The following MED12L variants were observed in gnomAD, a reference collection of about 807,000 sequenced individuals.
MED12L encodes mediator complex subunit 12L.
MED12L carries 60 observed loss-of-function variants against 281.3 expected under a neutral mutation model. The ratio of observed to expected loss-of-function variants is 0.21; its 90% CI spans 0.17 to 0.26. The LOEUF is 0.26. Among genes scored for constraint, MED12L ranks in the 10% least tolerant of loss-of-function variants. MED12L has a pLI of 1.00. For synonymous variants in MED12L, 974 were observed against 987.2 expected, an observed-to-expected ratio of 0.99 and a Z score of 0.25; for missense variants, 2,146 against 2,680.9, an observed-to-expected ratio of 0.80 and a Z score of 4.41.
chr3:151,188,508 G>T, intron 13 of MED12L, 28 bp downstream of exon 13: 1 of 1,556,398 alleles, frequency 6.4e-7, no homozygotes, highest in Non-Finnish European at 8.7e-7. Context: ...TTTGCCTCTA[G>T]ATCTTAAATA....
intron 43 of MED12L, among the ~76,000 whole-genome samples, chr3:151,417,104 A>G (rs867720780): frequency 3.1e-4 from 47 of 152,258 alleles, no homozygotes; most frequent in African/African-American, 1.0e-3. Context: ...ATCACTTGCC[A>G]CATATTGGAA....
intron 16 of MED12L, among the ~76,000 whole-genome samples, chr3:151,262,620 A>C (rs182069490): frequency 6.6e-6 from 1 of 152,240 alleles, no homozygotes; most frequent in Non-Finnish European, 1.5e-5. Flanking sequence ...TGCATGGGCA[A>C]TGTAAATACA....
chr3:151,320,220 T>A (rs1026286316), intron 16 of MED12L, among the ~76,000 whole-genome samples: 1 of 152,202 alleles, frequency 6.6e-6, no homozygotes, highest in Non-Finnish European at 1.5e-5. Context: ...TAATCTCAGA[T>A]GTATCTGTTT....
At chr3:151,413,414 G>A in intron 42 of MED12L, 119 bp downstream of exon 42, 1 of 1,230,222 alleles carries the variant, frequency 8.1e-7, no homozygotes, top group Non-Finnish European at 1.1e-6. Context: ...GATCCCTGTG[G>A]ATTTGATGCT....
Position 151,198,833 on chromosome 3 carries a change from A to G in MED12L, c.2250+5167A>G, listed in dbSNP as rs1430512866. 3.7e-6 allele frequency: 6 copies of G among 1,613,030 alleles called. No individual in the cohort carries two copies. In the South Asian group the frequency reaches 5.5e-5, roughly 15 times the overall value. On this transcript the variant is annotated intron_variant, in intron 16 of 44. Coordinates refer to ENST00000687756, the MANE Select transcript of MED12L (RefSeq NM_001393769.1). ...GGCTGAGAAATTTAAAAATATTGCT[A>G]CACATATGAAATTTGTCAGCAAATG... is the stretch of plus-strand genomic sequence containing the variant.
chr3:151,388,231 G>A (rs969826231), intron 37 of MED12L, 59 bp downstream of exon 37: 73 of 1,522,294 alleles, frequency 4.8e-5, no homozygotes, highest in Middle Eastern at 3.5e-4. Flanking sequence ...AGATTTACTC[G>A]TGCCCAAATC....
intron 16 of MED12L, among the ~76,000 whole-genome samples, chr3:151,302,629 AACTGCAG>A (rs1577278338): frequency 6.6e-6 from 1 of 152,172 alleles, no homozygotes; most frequent in East Asian, 1.9e-4. Flanking sequence ...GGTTTAACCA[AACTGCAG>A]ACTGTCAGCC....
At chr3:151,099,057 G>A (rs1210331841) in intron 2 of MED12L, among the ~76,000 whole-genome samples, 1 of 152,102 alleles carries the variant, frequency 6.6e-6, no homozygotes, top group East Asian at 1.9e-4. Context: ...AGATATGGGG[G>A]AAACTGTACC....
At chr3:151,192,914 C>A (rs1399880892) in intron 15 of MED12L, among the ~76,000 whole-genome samples, 1 of 152,290 alleles carries the variant, frequency 6.6e-6, no homozygotes. Flanking sequence ...ATCATCATCT[C>A]ATTAATGCGT....
intron 12 of MED12L, among the ~76,000 whole-genome samples, chr3:151,187,500 A>G (rs6772538): frequency 0.086 from 13,143 of 152,222 alleles, 1,302 homozygotes; most frequent in African/African-American, 0.23. Flanking sequence ...GACCTTCACA[A>G]AGAGAAAATA....
intron 16 of MED12L, among the ~76,000 whole-genome samples, chr3:151,226,968 A>G (rs1730621581): frequency 6.6e-6 from 1 of 152,212 alleles, no homozygotes; most frequent in Non-Finnish European, 1.5e-5. Context: ...TGGATGCCAC[A>G]CGCAGATCCC....
chr3:151,317,873 A>C (rs981102139), intron 16 of MED12L, among the ~76,000 whole-genome samples: 1 of 151,938 alleles, frequency 6.6e-6, no homozygotes. Flanking sequence ...TGGAATCAAA[A>C]CCTGTTATTG....
chr3:151,289,881 ATT>A (rs35528070), intron 16 of MED12L, among the ~76,000 whole-genome samples: 109 of 145,158 alleles, frequency 7.5e-4, no homozygotes, highest in Admixed American at 1.3e-3. Context: ...CTCGAACACA[ATT>A]TTTTTTTTTT....
At chr3:151,173,265 G>A (rs1721655180) in intron 11 of MED12L, among the ~76,000 whole-genome samples, 1 of 152,026 alleles carries the variant, frequency 6.6e-6, no homozygotes, top group African/African-American at 2.4e-5. Flanking sequence ...AGAAATTGTT[G>A]AGGCTGATAC....
intron 16 of MED12L, among the ~76,000 whole-genome samples, chr3:151,242,517 C>T (rs1734401539): frequency 6.6e-6 from 1 of 152,186 alleles, no homozygotes; most frequent in Non-Finnish European, 1.5e-5. Flanking sequence ...ACTGACACCT[C>T]ACACAGCAGG....
At chr3:151,237,045 CTTT>C (rs56926535) in intron 16 of MED12L, among the ~76,000 whole-genome samples, 4 of 125,854 alleles carry the variant, frequency 3.2e-5, no homozygotes, top group East Asian at 2.3e-4. Flanking sequence ...TGATGCCAAA[CTTT>C]TTTTTTTTTT....
intron 16 of MED12L, among the ~76,000 whole-genome samples, chr3:151,313,871 C>T (rs1406439445): frequency 6.7e-6 from 1 of 148,782 alleles, no homozygotes; most frequent in Non-Finnish European, 1.5e-5. Flanking sequence ...TTGCAGTGAG[C>T]AAAGATCACG....
chr3:151,128,643 T>G (rs189114387), intron 5 of MED12L, among the ~76,000 whole-genome samples: 1 of 152,342 alleles, frequency 6.6e-6, no homozygotes. Context: ...GTCTCTTCAT[T>G]GCAGCTTTGG....
intron 16 of MED12L, among the ~76,000 whole-genome samples, chr3:151,305,224 G>C (rs544982239): frequency 6.6e-6 from 1 of 152,332 alleles, no homozygotes; most frequent in East Asian, 1.9e-4. Context: ...CCTGGATCCC[G>C]GGCGGGAATC....
Sources: gnomAD v4.1 joint callset for allele counts (sites outside exome capture counted in the v4.1 genomes callset) on GRCh38, gnomAD v4.1.1 for gene constraint, MANE v1.5 for transcripts, NCBI Gene and HGNC (gene_info 2026-07-23, HGNC 2026-07-21) for gene names.